The following AMMECR1 variants were observed in gnomAD, a reference collection of about 807,000 sequenced individuals.
AMMECR1 encodes nuclear protein AMMECR1.
AMMECR1 carries 3 observed loss-of-function variants against 22.5 expected under a neutral mutation model. The ratio of observed to expected loss-of-function variants is 0.13; its 90% confidence interval spans 0.06 to 0.35. AMMECR1 has a LOEUF of 0.35. Among genes scored for constraint, AMMECR1 ranks in the 10% least tolerant of loss-of-function variants. AMMECR1 has a pLI of 1.00. For missense variants in AMMECR1, 235 were observed against 278.7 expected, an observed-to-expected ratio of 0.84 and a Z score of 1.12; for synonymous variants, 130 against 116.7, an observed-to-expected ratio of 1.11 and a Z score of -0.74.
chrX:110,230,385 C>A (rs1052676096), intron 2 of AMMECR1, among the ~76,000 whole-genome samples: 9 of 112,164 alleles, frequency 8.0e-5, no homozygotes, highest in African/African-American at 2.6e-4. Context: ...CCCAGGCAAA[C>A]AGGGTCTGGA....
intron 2 of AMMECR1, among the ~76,000 whole-genome samples, chrX:110,325,165 T>C (rs1172168933): frequency 8.9e-6 from 1 of 111,936 alleles, no homozygotes; most frequent in Non-Finnish European, 1.9e-5. Context: ...ATTTTTTTAG[T>C]TTGAATTTTT....
At chrX:110,404,350 G>A (rs765486012) in intron 2 of AMMECR1, among the ~76,000 whole-genome samples, 3 of 111,659 alleles carry the variant, frequency 2.7e-5, no homozygotes, top group African/African-American at 6.5e-5. Context: ...GGGCTGCAAA[G>A]AGCCCAGCTA....
Position 110,202,286 on chromosome X carries a change from G to A in AMMECR1, c.790+160C>T, listed in dbSNP as rs141830389. Among the ~76,000 whole-genome samples the A allele has an allele frequency of 0.027, 3,060 of 112,150 alleles. 100 individuals are homozygous for A. Among genetic ancestry groups the A allele is most frequent in the African/African-American group, 0.094 (2,901 of 30,911 alleles). Reference sequence around the variant, plus strand: ...ATTCAACTTCTGTGAGTACTTCACCGACTTGATACAGACATTGCAGTGGCA... The same window carrying A: ...ATTCAACTTCTGTGAGTACTTCACCAACTTGATACAGACATTGCAGTGGCA... On this transcript the variant is annotated intron_variant, in intron 4 of 5. Transcript: ENST00000262844.
intron 1 of AMMECR1, among the ~76,000 whole-genome samples, chrX:110,431,879 T>A (rs1045120116): frequency 9.0e-6 from 1 of 111,102 alleles, no homozygotes; most frequent in African/African-American, 3.3e-5. Context: ...CAGGAGAGAT[T>A]TGGGAGTTAG....
chrX:110,203,900 T>C (rs1339350069), intron 3 of AMMECR1, among the ~76,000 whole-genome samples: 1 of 111,914 alleles, frequency 8.9e-6, no homozygotes, highest in Non-Finnish European at 1.9e-5. Context: ...TTTTTTATTT[T>C]TATTAAAGCA....
intron 1 of AMMECR1, among the ~76,000 whole-genome samples, chrX:110,301,943 T>G (rs1179563832): frequency 1.8e-5 from 2 of 111,291 alleles, no homozygotes; most frequent in Non-Finnish European, 3.8e-5. Context: ...AAGAAAGAAA[T>G]AGTGCCAAAT....
At chrX:110,385,130 A>G (rs1437744364) in intron 2 of AMMECR1, among the ~76,000 whole-genome samples, 1 of 111,191 alleles carries the variant, frequency 9.0e-6, no homozygotes, top group African/African-American at 3.3e-5. Context: ...CAGCTCCACC[A>G]CCAACTAGCT....
At chrX:110,257,756 G>C (rs187600520) in intron 2 of AMMECR1, among the ~76,000 whole-genome samples, 1 of 111,309 alleles carries the variant, frequency 9.0e-6, no homozygotes, top group East Asian at 2.8e-4. Context: ...CCAGTATCAC[G>C]TCCTCTGCTT....
chrX:110,344,752 C>G (rs1372153537), intron 2 of AMMECR1, among the ~76,000 whole-genome samples: 4 of 111,592 alleles, frequency 3.6e-5, no homozygotes, highest in Non-Finnish European at 7.5e-5. Flanking sequence ...AAATGCTCAT[C>G]ATCACTGGCC....
At chrX:110,372,913 C>A (rs2068349584) in intron 2 of AMMECR1, among the ~76,000 whole-genome samples, 1 of 111,710 alleles carries the variant, frequency 9.0e-6, no homozygotes, top group Non-Finnish European at 1.9e-5. Context: ...AATTGTGCTT[C>A]CCTCATAAAA....
chrX:110,427,150 A>G (rs1025191560), intron 1 of AMMECR1, among the ~76,000 whole-genome samples: 2 of 111,803 alleles, frequency 1.8e-5, no homozygotes, highest in Non-Finnish European at 3.8e-5. Flanking sequence ...CCACCTCCAG[A>G]CATCTCTTGC....
At chrX:110,250,741 G>T (rs752754407) in intron 2 of AMMECR1, among the ~76,000 whole-genome samples, 7 of 111,993 alleles carry the variant, frequency 6.3e-5, no homozygotes, top group Non-Finnish European at 9.4e-5. Flanking sequence ...AGTCTACAGA[G>T]ATGTTCAGAT....
At chrX:110,312,324 A>G (rs758972851) in intron 1 of AMMECR1, among the ~76,000 whole-genome samples, 1 of 112,756 alleles carries the variant, frequency 8.9e-6, no homozygotes, top group East Asian at 2.8e-4. Flanking sequence ...ACAACAACAC[A>G]CATGTTAGCA....
chrX:110,242,357 C>G (rs1186737439), intron 2 of AMMECR1, among the ~76,000 whole-genome samples: 3 of 111,649 alleles, frequency 2.7e-5, no homozygotes, highest in Non-Finnish European at 5.6e-5. Context: ...TTTCAAAGGC[C>G]TATGCAAGAA....
At chrX:110,373,258 T>G (rs1398718158) in intron 2 of AMMECR1, among the ~76,000 whole-genome samples, 1 of 111,939 alleles carries the variant, frequency 8.9e-6, no homozygotes, top group African/African-American at 3.3e-5. Context: ...ATGTAGGTCA[T>G]CTTCCTTAGG....
intron 1 of AMMECR1, among the ~76,000 whole-genome samples, chrX:110,284,783 C>A (rs1602859174): frequency 8.9e-6 from 1 of 111,791 alleles, no homozygotes; most frequent in East Asian, 2.8e-4. Context: ...CAAGCTTGGC[C>A]AAGGCCACAC....
chrX:110,314,815 T>G (rs2068040472), intron 1 of AMMECR1, among the ~76,000 whole-genome samples: 1 of 112,079 alleles, frequency 8.9e-6, no homozygotes, highest in Admixed American at 9.4e-5. Context: ...AGTGAAGAAT[T>G]TGTATCCATA....
chrX:110,371,943 A>G (rs1284031085), intron 2 of AMMECR1, among the ~76,000 whole-genome samples: 1 of 111,380 alleles, frequency 9.0e-6, no homozygotes, highest in Non-Finnish European at 1.9e-5. Context: ...TCCCTGTTGA[A>G]TATGCTCTCA....
chrX:110,271,062 G>C (rs2067795803), intron 1 of AMMECR1, among the ~76,000 whole-genome samples: 1 of 111,688 alleles, frequency 9.0e-6, no homozygotes, highest in South Asian at 3.8e-4. Context: ...GAGAAGTTAA[G>C]ATTCAGATGC....
Sources: gnomAD v4.1 joint callset for allele counts (sites outside exome capture counted in the v4.1 genomes callset) on GRCh38, gnomAD v4.1.1 for gene constraint, MANE v1.5 for transcripts, NCBI Gene and HGNC (gene_info 2026-07-23, HGNC 2026-07-21) for gene names.